Variants in SEC24D observed in about 807,000 individuals in gnomAD.
The protein encoded by SEC24D is SEC24 homolog D, COPII component.
In SEC24D, 69 loss-of-function variants were observed where a neutral mutation model predicts 116.9. That is an observed-to-expected ratio of 0.59 (90% CI 0.49 to 0.72). SEC24D has a LOEUF of 0.72. Among genes scored for constraint, SEC24D ranks in the 30% least tolerant of loss-of-function variants. The probability of loss-of-function intolerance (pLI) is 0.00; values close to 1 mark genes in which losing one functional copy is unlikely to be tolerated. For missense variants in SEC24D, 1,131 were observed against 1,264.1 expected (o/e 0.89, Z 1.60); for synonymous variants, 405 against 442.8 (o/e 0.91, Z 1.07).
At chr4:118,796,898 G>A (rs1729202535) in intron 8 of SEC24D, among the ~76,000 whole-genome samples, 1 of 152,192 alleles carries the variant, frequency 6.6e-6, no homozygotes, top group Non-Finnish European at 1.5e-5. Context: ...GGAATCTGTG[G>A]TTCGGCCTAG....
chr4:118,799,000 C>T (rs1729306126), intron 7 of SEC24D, among the ~76,000 whole-genome samples: 1 of 152,158 alleles, frequency 6.6e-6, no homozygotes, highest in Non-Finnish European at 1.5e-5. Context: ...AATGGGGAGC[C>T]ACTGATGGCT....
At chr4:118,810,110 G>A (rs1729846377) in intron 6 of SEC24D, among the ~76,000 whole-genome samples, 2 of 148,862 alleles carry the variant, frequency 1.3e-5, no homozygotes, top group South Asian at 4.3e-4. Context: ...GTGTGTGTGT[G>A]TGTGTGTGTG....
chr4:118,801,567 C>T (rs3775834), intron 7 of SEC24D, among the ~76,000 whole-genome samples: 88,103 of 152,056 alleles, frequency 0.58, 26,278 homozygotes, highest in Admixed American at 0.66. Context: ...CATTACACAA[C>T]GTTATACAGA....
chr4:118,751,175 G>GTTTTTTTTTT (rs1560635909), intron 13 of SEC24D, among the ~76,000 whole-genome samples: 88 of 97,212 alleles, frequency 9.1e-4, no homozygotes, highest in Non-Finnish European at 1.4e-3. Context: ...TAGAGTGAGG[G>GTTTTTTTTTT]CTTTTTTTTT....
chr4:118,724,419 A>G (rs1332801037), intron 22 of SEC24D, among the ~76,000 whole-genome samples: 1 of 152,134 alleles, frequency 6.6e-6, no homozygotes, highest in African/African-American at 2.4e-5. Context: ...TAAATATAAG[A>G]TTTCTATATT....
chr4:118,782,457 T>G (rs1728458524), intron 8 of SEC24D, among the ~76,000 whole-genome samples: 1 of 152,226 alleles, frequency 6.6e-6, no homozygotes, highest in South Asian at 2.1e-4. Context: ...TATTGCTGCC[T>G]GATCCTTCCT....
intron 8 of SEC24D, among the ~76,000 whole-genome samples, chr4:118,778,969 C>A (rs867909498): frequency 2.0e-5 from 3 of 152,296 alleles, no homozygotes; most frequent in Non-Finnish European, 4.4e-5. Context: ...TGAGACTTTG[C>A]TGAAATTGCC....
intron 18 of SEC24D, 45 bp downstream of exon 18, chr4:118,739,104 T>TTACTAAGCAAGGTTTACTGAAC (rs757423294): frequency 6.2e-7 from 1 of 1,603,774 alleles, no homozygotes; most frequent in Non-Finnish European, 8.5e-7. Context: ...CTTGACTGAA[T>TTACTAAGCAAGGTTTACTGAAC]TACTAAGCAA....
chr4:118,809,973 T>C (rs942787105), intron 6 of SEC24D, among the ~76,000 whole-genome samples: 2 of 151,988 alleles, frequency 1.3e-5, no homozygotes, highest in African/African-American at 4.8e-5. Context: ...GCAAAGGCCT[T>C]GAGGCAGGAC....
intron 8 of SEC24D, among the ~76,000 whole-genome samples, chr4:118,780,809 G>A (rs1446717481): frequency 6.7e-6 from 1 of 149,948 alleles, no homozygotes; most frequent in Non-Finnish European, 1.5e-5. Flanking sequence ...AGGTCTTCTT[G>A]TTGAATTGAT....
rs28476473 is a variant in SEC24D at position 118,733,226 on chromosome 4, C to T, written c.2497-314G>A. 6.2e-3 allele frequency: 1,198 copies of T among 193,086 alleles called. 21 individuals carry two copies. The highest frequency in any genetic ancestry group is 0.026 in the African/African-American group (1,116 of 42,358). 12.0% of individuals were successfully genotyped at this position (193,086 alleles called of 1,614,324 possible). ...TGTGTGACCCTGGGCAAATTACTTACCCTGTCTTTTTCTCAGTGTTTTTTT... is the reference window on the plus strand; with the variant it reads ...TGTGTGACCCTGGGCAAATTACTTATCCTGTCTTTTTCTCAGTGTTTTTTT... On this transcript the variant is annotated intron_variant, in intron 19 of 22. Transcript: ENST00000280551.
chr4:118,744,182 A>AT (rs770610634), intron 14 of SEC24D, 24 bp from the exon 15 acceptor site: 29 of 1,509,680 alleles, frequency 1.9e-5, no homozygotes, highest in Admixed American at 9.1e-5. Flanking sequence ...GCAAAAAAAA[A>AT]GAAAAAATAA....
intron 3 of SEC24D, among the ~76,000 whole-genome samples, chr4:118,820,813 G>A (rs1329005301): frequency 1.3e-5 from 2 of 152,098 alleles, no homozygotes; most frequent in African/African-American, 4.8e-5. Context: ...TGAATGTCAA[G>A]TATATATTTT....
At chr4:118,812,038 T>A (rs1262788169) in intron 6 of SEC24D, among the ~76,000 whole-genome samples, 1 of 152,182 alleles carries the variant, frequency 6.6e-6, no homozygotes, top group Non-Finnish European at 1.5e-5. Context: ...GAAGTAGCGA[T>A]GTGCCAGTTC....
At chr4:118,752,306 A>G (rs1560638010) in intron 12 of SEC24D, among the ~76,000 whole-genome samples, 1 of 152,122 alleles carries the variant, frequency 6.6e-6, no homozygotes, top group African/African-American at 2.4e-5. Flanking sequence ...CTTTGTAGAT[A>G]TTTTTTCTAT....
chr4:118,768,031 T>C (rs1727720702), intron 9 of SEC24D, 142 bp downstream of exon 9: 7 of 589,180 alleles, frequency 1.2e-5, no homozygotes, highest in South Asian at 6.1e-5. Flanking sequence ...GAGCCTGTCA[T>C]AGTTGGTTTC....
chr4:118,726,330 G>A (rs756853748), intron 22 of SEC24D, among the ~76,000 whole-genome samples: 1 of 152,178 alleles, frequency 6.6e-6, no homozygotes, highest in Admixed American at 6.5e-5. Flanking sequence ...TCAGGAGCAG[G>A]GGATGTTTTG....
At chr4:118,776,577 T>C (rs1728139030) in intron 8 of SEC24D, among the ~76,000 whole-genome samples, 1 of 152,228 alleles carries the variant, frequency 6.6e-6, no homozygotes, top group South Asian at 2.1e-4. Flanking sequence ...TGGGTTATGC[T>C]GACACAATGT....
At chr4:118,737,577 C>T (rs1050670934) in intron 19 of SEC24D, among the ~76,000 whole-genome samples, 6 of 152,118 alleles carry the variant, frequency 3.9e-5, no homozygotes, top group Admixed American at 1.3e-4. Flanking sequence ...AGTTGGAATT[C>T]TATATTCACA....
Sources: gnomAD v4.1 joint callset for allele counts (sites outside exome capture counted in the v4.1 genomes callset) on GRCh38, gnomAD v4.1.1 for gene constraint, MANE v1.5 for transcripts, NCBI Gene and HGNC (gene_info 2026-07-23, HGNC 2026-07-21) for gene names.